PLEKHG4B: variants seen among roughly 807,000 people sequenced by gnomAD.
The protein encoded by PLEKHG4B is pleckstrin homology domain-containing family G member 4B.
In PLEKHG4B, 111 loss-of-function variants were observed where a neutral mutation model predicts 121.3. That is an observed-to-expected ratio of 0.92 (90% CI 0.78 to 1.07). The LOEUF is 1.07. Among genes scored for constraint, PLEKHG4B ranks in the 50% least tolerant of loss-of-function variants. The pLI is 0.00. For synonymous variants in PLEKHG4B, 738 were observed against 725.0 expected (o/e 1.02, Z -0.29); for missense variants, 1,831 against 1,757.8 (o/e 1.04, Z -0.74).
chr5:181,685 C>T lies in PLEKHG4B; in HGVS notation c.4564+10C>T. 3 of 1,609,304 alleles carry T rather than the reference C, an allele frequency of 1.9e-6. No homozygotes were observed. Among genetic ancestry groups the T allele is most frequent in the Non-Finnish European group, 2.5e-6 (3 of 1,177,862 alleles). On this transcript the variant is annotated intron_variant, in intron 19 of 19. Coordinates refer to ENST00000637938, the MANE Select transcript of PLEKHG4B (RefSeq NM_052909.5). ...ATCGTCAAGGGCACAGGTACGGTGG[C>T]TCGGTCCCGCCCTCACTCACCCTGC...
Position 184,026 on chromosome 5 carries a change from T to C in PLEKHG4B, c.*1703T>C, listed in dbSNP as rs997401521. 5.3e-5 allele frequency: 8 copies of C among 151,390 alleles called. No homozygotes were observed. Among genetic ancestry groups the C allele is most frequent in the South Asian group, 4.2e-4 (2 of 4,788 alleles). 9.4% of individuals were successfully genotyped at this position (151,390 alleles called of 1,614,324 possible). A position where few individuals can be genotyped will look rare whatever the true frequency, so the allele number is the denominator to read the frequency against. On this transcript the variant is annotated 3_prime_UTR_variant, in exon 20 of 20. Transcript: ENST00000637938. The stretch of plus-strand genomic sequence containing the variant: ...ATAGATAGATAGATAGATAGATAGA[T>C]AGACTGACAGACAGATGAGAGGGGC...
chr5:148,601 T>C (rs1265727935), intron 6 of PLEKHG4B, among the ~76,000 whole-genome samples: 2 of 152,166 alleles, frequency 1.3e-5, no homozygotes, highest in Non-Finnish European at 2.9e-5. Context: ...AGATATCTCA[T>C]GTTCAAGGAT....
Position 182,395 on chromosome 5 carries a change from ACT to A in PLEKHG4B, c.*75_*76del. On this transcript the variant is annotated 3_prime_UTR_variant, in exon 20 of 20. Coordinates refer to ENST00000637938, the MANE Select transcript of PLEKHG4B (RefSeq NM_052909.5). Reference sequence around the variant, plus strand: ...AGGGAGCAGCACGCCAGGCCTGATGACTCTGGGGGTGGCGGTGCCCATCGCGT... The same window carrying A: ...AGGGAGCAGCACGCCAGGCCTGATGACTGGGGGTGGCGGTGCCCATCGCGT... 4 of 1,455,200 alleles carry A rather than the reference ACT, an allele frequency of 2.7e-6. No homozygotes were observed. The highest frequency in any genetic ancestry group is 2.8e-6 in the Non-Finnish European group (3 of 1,086,794). 90.1% of individuals were successfully genotyped at this position (1,455,200 alleles called of 1,614,324 possible).
chr5:105,194 G>GTTCTGGT (rs1733940426), intron 1 of PLEKHG4B, among the ~76,000 whole-genome samples: 1 of 137,424 alleles, frequency 7.3e-6, no homozygotes, highest in African/African-American at 3.0e-5. Flanking sequence ...GGCTGTTCTG[G>GTTCTGGT]GTTCTCATGC....
chr5:142,594 A>G (rs983802363), intron 3 of PLEKHG4B, among the ~76,000 whole-genome samples: 4 of 151,888 alleles, frequency 2.6e-5, no homozygotes, highest in Non-Finnish European at 5.9e-5. Flanking sequence ...CATGCCTCAC[A>G]CAATCACACT....
chr5:182,211 T>C lies in PLEKHG4B; in HGVS notation c.4772T>C (p.Ile1591Thr), dbSNP rs767156506. ...GCCCACAGCCCCTGGTCATCTGATATCAGAGCCTGCGTCGAGGAAGATGAG... is the reference window on the plus strand; with the variant it reads ...GCCCACAGCCCCTGGTCATCTGATACCAGAGCCTGCGTCGAGGAAGATGAG... ...SPAHSPWSSD[I>T]RACVEEDEPE... The change falls in exon 20 of 20, where the codon ATC becomes ACC. Residue 1591 changes from isoleucine (I) to threonine (T), a missense_variant. Ile to Thr is a moderately conservative substitution (Grantham distance 89). Coordinates refer to ENST00000637938, the MANE Select transcript of PLEKHG4B (RefSeq NM_052909.5). The C allele has an allele frequency of 8.1e-6, 13 of 1,613,750 alleles. No individual in the cohort carries two copies. In the Middle Eastern group the frequency reaches 4.9e-4, roughly 61 times the overall value.
chr5:122,576 C>T lies in PLEKHG4B; in HGVS notation c.243+9128C>T, dbSNP rs536950104. Among the ~76,000 whole-genome samples the T allele has an allele frequency of 3.2e-4, 48 of 152,024 alleles. 1 individual carries two copies. Among genetic ancestry groups the T allele is most frequent in the Non-Finnish European group, 4.9e-4 (33 of 67,996 alleles). On this transcript the variant is annotated intron_variant, in intron 2 of 19. Transcript: ENST00000637938. ...CTGGGATTACAGGCATCCACCACCA[C>T]GCCCAGCTAATTTTTTGTATTTTTA...
At chr5:171,634 G>A (rs13156306) in intron 16 of PLEKHG4B, among the ~76,000 whole-genome samples, 190 bp downstream of exon 16, 83,289 of 152,036 alleles carry the variant, frequency 0.55, 23,157 homozygotes, top group Non-Finnish European at 0.59. Context: ...TACCTGTCTG[G>A]GCAATGTCAG....
At chr5:142,660 C>T (rs765257276) in intron 3 of PLEKHG4B, among the ~76,000 whole-genome samples, 1 of 152,202 alleles carries the variant, frequency 6.6e-6, no homozygotes, top group Non-Finnish European at 1.5e-5. Flanking sequence ...ACACCAGTCA[C>T]ATGCCTCACA....
chr5:99,170 GTATATATATATATATATATA>G (rs534174768), intron 1 of PLEKHG4B, among the ~76,000 whole-genome samples: 3,672 of 100,514 alleles, frequency 0.037, 107 homozygotes, highest in Non-Finnish European at 0.042. Context: ...AAAAAAAAGT[GTATATATATATATATATATA>G]TATATATATA....
chr5:135,680 AAAATATATATATATATAT>A (rs1414930747), intron 2 of PLEKHG4B, among the ~76,000 whole-genome samples: 4 of 35,282 alleles, frequency 1.1e-4, no homozygotes, highest in South Asian at 9.7e-4. Context: ...AAAAAAAAAA[AAAATATATATATATATAT>A]ATATATATAT....
intron 13 of PLEKHG4B, among the ~76,000 whole-genome samples, chr5:165,058 C>T (rs376865887): frequency 1.9e-5 from 2 of 104,798 alleles, no homozygotes; most frequent in Admixed American, 9.8e-5. Flanking sequence ...TCTGACGGGG[C>T]GGAGCTCACA....
rs370839530 is a variant in PLEKHG4B, at chr5:131,118, C to CTTTTTTT, written c.244-8361_244-8355dup. On this transcript the variant is annotated intron_variant, in intron 2 of 19. Coordinates refer to ENST00000637938, the MANE Select transcript of PLEKHG4B (RefSeq NM_052909.5). ...AAGTTCCCCTTGAAGAAGCTGCTTC[C>CTTTTTTT]TTTTTTTTTTACTTTAAATTCTAGG... Among the ~76,000 whole-genome samples, 776 of 148,044 alleles carry CTTTTTTT rather than the reference C, an allele frequency of 5.2e-3. 10 individuals carry two copies. Among genetic ancestry groups the CTTTTTTT allele is most frequent in the African/African-American group, 0.017 (673 of 40,170 alleles).
rs1560936289 is a variant in PLEKHG4B, at chr5:156,983, A to G, written c.2487+72A>G. ...CCAGGCTGGCCAAGGCAACCCTCTC[A>G]CCTTCACACTGTGTCTTTAGGGCCT... On this transcript the variant is annotated intron_variant, in intron 11 of 19. Transcript: ENST00000637938. This position sits in a 1 kb window ranked among gnomAD's most constrained non-coding sequence, Gnocchi z 4.4. 2 of 1,559,920 alleles carry G rather than the reference A, an allele frequency of 1.3e-6. No homozygotes were observed. Among genetic ancestry groups the G allele is most frequent in the East Asian group, 2.3e-5 (1 of 42,718 alleles).
rs11954985 is a variant in PLEKHG4B at position 149,924 on chromosome 5, A to G, written c.1906-1589A>G. Among the ~76,000 whole-genome samples, 414 of 152,376 alleles carry G rather than the reference A, an allele frequency of 2.7e-3. 2 individuals carry two copies. Among genetic ancestry groups the G allele is most frequent in the African/African-American group, 9.6e-3 (399 of 41,590 alleles). On this transcript the variant is annotated intron_variant, in intron 6 of 19. Transcript: ENST00000637938. ...ACCCTTGTGCACGGTTGATGGGAAC[A>G]GTAAATAGTGACTCATTGTGGAAAA... is the stretch of plus-strand genomic sequence containing the variant.
chr5:150,161 C>T (rs1013741977), intron 6 of PLEKHG4B, among the ~76,000 whole-genome samples: 11 of 152,184 alleles, frequency 7.2e-5, no homozygotes, highest in Non-Finnish European at 1.0e-4. Context: ...CCTATCTTTA[C>T]GATGGAATAT....
rs1734230998 is a variant in PLEKHG4B, at chr5:113,918, T to C, written c.243+470T>C. ...CTGTGCAGGCCCACCTGGAAGGGAT[T>C]GTGGTCTCAGTTCCAGACCAGCAAA... On this transcript the variant is annotated intron_variant, in intron 2 of 19. Transcript: ENST00000637938. The surrounding 1 kb of genome is among the most constrained non-coding windows in gnomAD (Gnocchi z 5.2). Among the ~76,000 whole-genome samples, 1 of 152,170 alleles carries C rather than the reference T, an allele frequency of 6.6e-6. No individual in the cohort carries two copies. Among genetic ancestry groups the C allele is most frequent in the Non-Finnish European group, 1.5e-5 (1 of 68,030 alleles).
At chr5:146,081 C>T (rs978152780) in intron 6 of PLEKHG4B, among the ~76,000 whole-genome samples, 24 of 148,728 alleles carry the variant, frequency 1.6e-4, no homozygotes, top group Admixed American at 3.3e-4. Flanking sequence ...CACTCCTCTC[C>T]CCACTTGGAG....
chr5:174,025 C>T lies in PLEKHG4B; in HGVS notation c.4329C>T (p.Ser1443=), dbSNP rs1736665622. 6.2e-7 allele frequency: 1 copy of T among 1,607,464 alleles called. No individual in the cohort carries two copies. The highest frequency in any genetic ancestry group is 8.5e-7 in the Non-Finnish European group (1 of 1,177,474). The change falls in exon 18 of 20, where the codon AGC becomes AGT. Residue 1443 remains serine, a synonymous_variant. Transcript: ENST00000637938. ...KSQDTYILQA[S]SAEVKSAWTD... ...AGGACACCTACATTCTCCAAGCAAG[C>T]TCGGCAGAGGTCAAGAGTGCATGGA...
Sources: gnomAD v4.1 joint callset for allele counts (sites outside exome capture counted in the v4.1 genomes callset) on GRCh38, gnomAD v4.1.1 for gene constraint, Gnocchi (gnomAD v3.1) non-coding constraint, MANE v1.5 for transcripts, NCBI Gene and HGNC (gene_info 2026-07-23, HGNC 2026-07-21) for gene names.